The following OTOGL variants were observed in gnomAD, a reference collection of about 807,000 sequenced individuals.
OTOGL encodes the protein otogelin-like protein.
In OTOGL, 285 loss-of-function variants were observed where a neutral mutation model predicts 318.5. The observed-to-expected ratio is 0.89, with a 90% CI of 0.81 to 0.99. OTOGL has a LOEUF of 0.99. Among genes scored for constraint, OTOGL ranks in the 50% least tolerant of loss-of-function variants. The probability of loss-of-function intolerance (pLI) is 0.00; values close to 1 mark genes in which losing one functional copy is unlikely to be tolerated. For missense variants in OTOGL, 2,899 were observed against 2,845.6 expected (o/e 1.02, Z -0.43); for synonymous variants, 987 against 936.5 (o/e 1.05, Z -0.99).
At chr12:80,105,668 C>A (rs1169309383) in intron 1 of OTOGL, among the ~76,000 whole-genome samples, 2 of 152,112 alleles carry the variant, frequency 1.3e-5, no homozygotes, top group African/African-American at 2.4e-5. Flanking sequence ...AATGTTAATA[C>A]AATAACATTT....
chr12:80,189,291 T>C (rs1875516162), intron 1 of OTOGL: 1 of 389,204 alleles, frequency 2.6e-6, no homozygotes, highest in African/African-American at 2.2e-5. Flanking sequence ...GAATCCCAGT[T>C]GAATAATCTT....
At chr12:80,242,786 C>T (rs1211710506) in intron 11 of OTOGL, among the ~76,000 whole-genome samples, 1 of 152,098 alleles carries the variant, frequency 6.6e-6, no homozygotes, top group African/African-American at 2.4e-5. Context: ...AGGTCTCTAA[C>T]AATGACACAA....
At chr12:80,146,421 G>T (rs1318060310) in intron 1 of OTOGL, among the ~76,000 whole-genome samples, 1 of 151,210 alleles carries the variant, frequency 6.6e-6, no homozygotes, top group Non-Finnish European at 1.5e-5. Flanking sequence ...CTTGATCATG[G>T]TGGATAAGCT....
At chr12:80,249,649 C>A (rs1165805978) in intron 11 of OTOGL, among the ~76,000 whole-genome samples, 2 of 152,130 alleles carry the variant, frequency 1.3e-5, no homozygotes, top group Non-Finnish European at 2.9e-5. Flanking sequence ...ATAGGTGGAG[C>A]CTACAGAGGC....
chr12:80,174,991 T>G (rs1874440156), intron 1 of OTOGL, among the ~76,000 whole-genome samples: 2 of 151,880 alleles, frequency 1.3e-5, no homozygotes, highest in African/African-American at 4.8e-5. Flanking sequence ...AAAAAAAACT[T>G]AATGAGTGTT....
intron 25 of OTOGL, 51 bp from the exon 26 acceptor site, chr12:80,278,977 A>C: frequency 6.4e-7 from 1 of 1,566,206 alleles, no homozygotes; most frequent in South Asian, 1.1e-5. Context: ...ACTTGAAATC[A>C]CTAGTTAGAG....
At chr12:80,112,507 G>A (rs917386767) in intron 1 of OTOGL, among the ~76,000 whole-genome samples, 2 of 152,030 alleles carry the variant, frequency 1.3e-5, no homozygotes, top group Non-Finnish European at 2.9e-5. Flanking sequence ...ATAATCATGT[G>A]GTTTTTATCA....
intron 26 of OTOGL, among the ~76,000 whole-genome samples, chr12:80,288,706 G>A (rs1358245325): frequency 6.6e-6 from 1 of 151,650 alleles, no homozygotes; most frequent in Non-Finnish European, 1.5e-5. Flanking sequence ...CCTTTTGTAT[G>A]CTTCACGAAG....
chr12:80,229,493 A>G, intron 8 of OTOGL, 115 bp downstream of exon 8: 3 of 1,321,858 alleles, frequency 2.3e-6, no homozygotes, highest in Non-Finnish European at 3.1e-6. Flanking sequence ...CTTCAACAAT[A>G]CTCTTAAAGC....
At chr12:80,147,154 C>G (rs1295606963) in intron 1 of OTOGL, among the ~76,000 whole-genome samples, 2 of 151,908 alleles carry the variant, frequency 1.3e-5, no homozygotes, top group Non-Finnish European at 2.9e-5. Context: ...GTTAGGATGT[C>G]AATTTTGGAT....
At chr12:80,164,463 G>A (rs1189862557) in intron 1 of OTOGL, among the ~76,000 whole-genome samples, 2 of 152,128 alleles carry the variant, frequency 1.3e-5, no homozygotes, top group Non-Finnish European at 2.9e-5. Flanking sequence ...TCTTGTGTCA[G>A]TTATTGTAGT....
intron 24 of OTOGL, 83 bp from the exon 25 acceptor site, chr12:80,278,083 CAG>C: frequency 9.8e-7 from 1 of 1,023,166 alleles, no homozygotes; most frequent in Non-Finnish European, 1.5e-6. Context: ...ATATAGATGA[CAG>C]TGTTAATATG....
intron 9 of OTOGL, among the ~76,000 whole-genome samples, chr12:80,233,869 G>A (rs1339186116): frequency 6.6e-6 from 1 of 152,124 alleles, no homozygotes; most frequent in African/African-American, 2.4e-5. Context: ...TCACTTTTAT[G>A]CTTAGTTTCT....
chr12:80,180,477 G>A (rs1290788937), intron 1 of OTOGL, among the ~76,000 whole-genome samples: 1 of 152,212 alleles, frequency 6.6e-6, no homozygotes, highest in Non-Finnish European at 1.5e-5. Context: ...GGTATGAGAG[G>A]AGTTTGCAAA....
intron 26 of OTOGL, among the ~76,000 whole-genome samples, 188 bp downstream of exon 26, chr12:80,279,354 A>G (rs1427055476): frequency 6.6e-6 from 1 of 151,398 alleles, no homozygotes; most frequent in African/African-American, 2.4e-5. Context: ...GGTATATTAC[A>G]TGTTGCTGGG....
At chr12:80,212,866 G>A (rs1877373733) in intron 4 of OTOGL, among the ~76,000 whole-genome samples, 1 of 152,132 alleles carries the variant, frequency 6.6e-6, no homozygotes, top group African/African-American at 2.4e-5. Context: ...GTTGTGTCTG[G>A]TTAGAAGACA....
chr12:80,197,001 A>G (rs1458689787), intron 1 of OTOGL, among the ~76,000 whole-genome samples: 3 of 152,146 alleles, frequency 2.0e-5, no homozygotes, highest in African/African-American at 4.8e-5. Flanking sequence ...AACATTTACA[A>G]TCTATTTTCT....
rs1592529136 is a variant in OTOGL, at chr12:80,187,744, A to C, written c.-19-21669A>C. The stretch of plus-strand genomic sequence containing the variant: ...GACAGTCATTCCAAAACTGAAACTC[A>C]GTGGGTGACAGGATGCCCACACCTC... On this transcript the variant is annotated intron_variant, in intron 1 of 58. Coordinates refer to ENST00000547103, the MANE Select transcript of OTOGL (RefSeq NM_001378609.3). 2.0e-5 allele frequency among the ~76,000 whole-genome samples: 3 copies of C among 152,344 alleles called. 1 individual carries two copies. The highest frequency in any genetic ancestry group is 2.1e-4 in the South Asian group (1 of 4,828).
intron 1 of OTOGL, among the ~76,000 whole-genome samples, chr12:80,148,986 G>C (rs149695749): frequency 0.021 from 3,240 of 152,140 alleles, 126 homozygotes; most frequent in African/African-American, 0.075. Context: ...CAACTTGTTT[G>C]CCTTTGGTTT....
Sources: allele counts gnomAD v4.1 joint callset (sites outside exome capture counted in the v4.1 genomes callset), GRCh38; gene constraint gnomAD v4.1.1; transcripts MANE v1.5; gene names NCBI Gene and HGNC (gene_info 2026-07-23, HGNC 2026-07-21).